The following PTBP2 variants were observed in gnomAD, a reference collection of about 807,000 sequenced individuals.
PTBP2 encodes polypyrimidine tract binding protein 2, also known as polypyrimidine tract-binding protein 2.
In PTBP2, 13 loss-of-function variants were observed where a neutral mutation model predicts 61.4. The ratio of observed to expected loss-of-function variants is 0.21; its 90% confidence interval spans 0.14 to 0.34. The LOEUF is 0.34. Ranked by LOEUF, PTBP2 falls within the 10% of genes least tolerant of loss-of-function variation. PTBP2 has a pLI of 1.00. For missense variants in PTBP2, 405 were observed against 642.6 expected (o/e 0.63, Z 4.00); for synonymous variants, 215 against 218.5 (o/e 0.98, Z 0.14).
rs2101163368 is a variant in PTBP2 at position 96,801,263 on chromosome 1, A to G, written c.905-3537A>G. ...TCAATTAACTCAGCATTCTTTTAAA[A>G]AACATGTGTCATATATTACAGCATT... On this transcript the variant is annotated intron_variant, in intron 8 of 13. Transcript: ENST00000674951. Among the ~76,000 whole-genome samples, 2 of 149,682 alleles carry G rather than the reference A, an allele frequency of 1.3e-5. 1 individual carries two copies. Among genetic ancestry groups the G allele is most frequent in the Middle Eastern group, 6.9e-3 (2 of 288 alleles).
At chr1:96,722,251 G>T (rs1487367172) in intron 1 of PTBP2, among the ~76,000 whole-genome samples, 4 of 152,152 alleles carry the variant, frequency 2.6e-5, no homozygotes, top group Non-Finnish European at 4.4e-5. Context: ...GGTTAGCGGT[G>T]CCTGTGAGAG....
chr1:96,767,941 A>G (rs1032637141), intron 3 of PTBP2, among the ~76,000 whole-genome samples: 6 of 152,096 alleles, frequency 3.9e-5, no homozygotes, highest in African/African-American at 1.4e-4. Flanking sequence ...TCTTCTGTAC[A>G]AAGACAACCT....
At chr1:96,773,171 G>A (rs1294202228) in intron 5 of PTBP2, among the ~76,000 whole-genome samples, 2 of 149,956 alleles carry the variant, frequency 1.3e-5, no homozygotes, top group Non-Finnish European at 3.0e-5. Flanking sequence ...CCTACACATG[G>A]ATGGATGTGG....
chr1:96,771,172 T>G (rs919528529), intron 5 of PTBP2: 21 of 163,372 alleles, frequency 1.3e-4, no homozygotes, highest in Non-Finnish European at 6.6e-5. Context: ...TTCAGTGCCT[T>G]TGGTTATTTG....
intron 7 of PTBP2, among the ~76,000 whole-genome samples, chr1:96,782,004 A>G (rs1017017790): frequency 3.3e-4 from 50 of 152,144 alleles, no homozygotes; most frequent in African/African-American, 1.1e-3. Context: ...GCATAAAAAT[A>G]TCAATCTTTT....
chr1:96,758,344 T>G (rs1655396611), intron 3 of PTBP2, among the ~76,000 whole-genome samples: 1 of 152,100 alleles, frequency 6.6e-6, no homozygotes, highest in Non-Finnish European at 1.5e-5. Context: ...TTATGAAATT[T>G]TAAAGGAATA....
intron 8 of PTBP2, among the ~76,000 whole-genome samples, chr1:96,799,385 T>G (rs942117583): frequency 7.1e-6 from 1 of 140,490 alleles, no homozygotes; most frequent in Admixed American, 7.8e-5. Flanking sequence ...AAACTCGGCC[T>G]CCCGGGTTCG....
intron 3 of PTBP2, among the ~76,000 whole-genome samples, chr1:96,759,499 C>T (rs1655547005): frequency 6.6e-6 from 1 of 152,044 alleles, no homozygotes; most frequent in Non-Finnish European, 1.5e-5. Flanking sequence ...GCTGAATATA[C>T]ATACAAAAAA....
intron 5 of PTBP2, among the ~76,000 whole-genome samples, chr1:96,772,000 A>G (rs1230007097): frequency 1.3e-5 from 2 of 152,120 alleles, no homozygotes; most frequent in African/African-American, 4.8e-5. Context: ...ATTTTTTTCC[A>G]CGCCAAGCAA....
chr1:96,812,538 C>T (rs963378960), intron 11 of PTBP2, among the ~76,000 whole-genome samples, 174 bp from the exon 12 acceptor site: 2 of 152,064 alleles, frequency 1.3e-5, no homozygotes, highest in Non-Finnish European at 2.9e-5. Flanking sequence ...GCCAGAATGC[C>T]TTGTCTAGTT....
At chr1:96,765,945 G>T (rs1656655839) in intron 3 of PTBP2, among the ~76,000 whole-genome samples, 1 of 152,160 alleles carries the variant, frequency 6.6e-6, no homozygotes, top group Admixed American at 6.5e-5. Flanking sequence ...GAAATTCAGT[G>T]AGGAAGAGAG....
intron 3 of PTBP2, among the ~76,000 whole-genome samples, chr1:96,762,978 A>T (rs1256715533): frequency 7.3e-6 from 1 of 136,950 alleles, no homozygotes; most frequent in Non-Finnish European, 1.6e-5. Context: ...ATCTCAGACG[A>T]TGGGCGGCCG....
intron 2 of PTBP2, among the ~76,000 whole-genome samples, chr1:96,725,637 GTC>G (rs1345948168): frequency 6.6e-6 from 1 of 152,096 alleles, no homozygotes; most frequent in African/African-American, 2.4e-5. Context: ...TAATATAAAA[GTC>G]TGAATAATTA....
chr1:96,741,751 T>C (rs1300548051), intron 2 of PTBP2, among the ~76,000 whole-genome samples: 1 of 152,232 alleles, frequency 6.6e-6, no homozygotes, highest in Non-Finnish European at 1.5e-5. Flanking sequence ...TTTTCACATT[T>C]ATGGCGTTAA....
exon 14 of PTBP2, chr1:96,821,878 T>C (rs1301634008): frequency 6.6e-6 from 1 of 152,188 alleles, no homozygotes; most frequent in Non-Finnish European, 1.5e-5. Flanking sequence ...TCCACCTGCC[T>C]CAGCCTCCCA....
chr1:96,797,178 A>G (rs942406260), intron 8 of PTBP2, among the ~76,000 whole-genome samples: 1 of 152,132 alleles, frequency 6.6e-6, no homozygotes, highest in Admixed American at 6.5e-5. Flanking sequence ...ATCCTCATTG[A>G]TGGTGGTGGA....
At chr1:96,729,806 G>A (rs1379469965) in intron 2 of PTBP2, among the ~76,000 whole-genome samples, 3 of 147,238 alleles carry the variant, frequency 2.0e-5, no homozygotes, top group Non-Finnish European at 4.4e-5. Flanking sequence ...GCACCATCTC[G>A]GCTCAATGCA....
chr1:96,780,660 A>G (rs183604714), intron 7 of PTBP2, among the ~76,000 whole-genome samples: 1 of 151,154 alleles, frequency 6.6e-6, no homozygotes, highest in East Asian at 2.0e-4. Flanking sequence ...TTGTCTTGTA[A>G]CTCCCCTTCT....
chr1:96,776,011 G>A (rs915839376), intron 5 of PTBP2, among the ~76,000 whole-genome samples: 3 of 152,030 alleles, frequency 2.0e-5, no homozygotes, highest in Non-Finnish European at 2.9e-5. Context: ...GAAGGATATC[G>A]AAGATAATAC....
Sources: allele counts gnomAD v4.1 joint callset (sites outside exome capture counted in the v4.1 genomes callset), GRCh38; gene constraint gnomAD v4.1.1; transcripts MANE v1.5; gene names NCBI Gene and HGNC (gene_info 2026-07-23, HGNC 2026-07-21).